The following PPL variants were observed in gnomAD, a reference collection of about 807,000 sequenced individuals.
PPL encodes 190 kDa paraneoplastic pemphigus antigen.
Under a neutral mutation model 194.4 loss-of-function variants are expected in PPL, and 198 were observed. That is an observed-to-expected ratio of 1.02 (90% CI 0.91 to 1.15). The LOEUF is 1.15. Ranked by LOEUF, PPL falls within the 50% of genes most tolerant of loss-of-function variation. The probability of loss-of-function intolerance (pLI) is 0.00; values close to 1 mark genes in which losing one functional copy is unlikely to be tolerated. For synonymous variants in PPL, 1,220 were observed against 972.4 expected, an observed-to-expected ratio of 1.25 and a Z score of -4.74; for missense variants, 2,885 against 2,294.8, an observed-to-expected ratio of 1.26 and a Z score of -5.25.
At chr16:4,888,039 C>T in intron 20 of PPL, 63 bp downstream of exon 20, 2 of 1,229,778 alleles carry the variant, frequency 1.6e-6, no homozygotes, top group Non-Finnish European at 2.4e-6. Context: ...ACCATGCTCC[C>T]TGGGGAGCAG....
chr16:4,922,243 T>C (rs946944728), intron 1 of PPL, among the ~76,000 whole-genome samples: 4 of 152,184 alleles, frequency 2.6e-5, no homozygotes, highest in Admixed American at 2.6e-4. Flanking sequence ...ACAGTATGCA[T>C]GCCACAGGGC....
chr16:4,903,043 T>C (rs994139543), intron 3 of PPL, among the ~76,000 whole-genome samples: 2 of 152,122 alleles, frequency 1.3e-5, no homozygotes, highest in Non-Finnish European at 2.9e-5. Flanking sequence ...GGGCCTACTA[T>C]GTGCCAGAAT....
At chr16:4,900,683 C>T (rs1315880914) in intron 6 of PPL, 147 bp downstream of exon 6, 6 of 1,085,370 alleles carry the variant, frequency 5.5e-6, no homozygotes, top group Non-Finnish European at 6.8e-6. Context: ...AGTGATCCTC[C>T]TGCCTCTGCC....
chr16:4,908,368 T>C (rs879515559), intron 2 of PPL, among the ~76,000 whole-genome samples: 8 of 152,094 alleles, frequency 5.3e-5, no homozygotes, highest in African/African-American at 1.7e-4. Flanking sequence ...AATTACCTAT[T>C]TTGAGTCAAT....
chr16:4,921,791 T>G (rs2089056217), intron 1 of PPL, among the ~76,000 whole-genome samples: 1 of 151,946 alleles, frequency 6.6e-6, no homozygotes, highest in Non-Finnish European at 1.5e-5. Context: ...AGGTGGCAAC[T>G]CGAGGCTGAG....
At chr16:4,933,625 T>C (rs2089253122) in intron 1 of PPL, among the ~76,000 whole-genome samples, 1 of 152,100 alleles carries the variant, frequency 6.6e-6, no homozygotes, top group South Asian at 2.1e-4. Context: ...GGTGGAGACC[T>C]CATCTGTCCG....
intron 18 of PPL, among the ~76,000 whole-genome samples, chr16:4,889,389 G>T (rs1208755632): frequency 2.0e-5 from 3 of 151,286 alleles, no homozygotes; most frequent in African/African-American, 7.3e-5. Flanking sequence ...CAAGTAGCTG[G>T]GACTACAGGC....
chr16:4,922,053 A>G (rs1053810152), intron 1 of PPL, among the ~76,000 whole-genome samples: 8 of 152,002 alleles, frequency 5.3e-5, no homozygotes, highest in Non-Finnish European at 1.0e-4. Flanking sequence ...TTCCTGCTTT[A>G]ATTTTGTGCG....
At chr16:4,920,161 G>A (rs895523215) in intron 1 of PPL, among the ~76,000 whole-genome samples, 1 of 151,792 alleles carries the variant, frequency 6.6e-6, no homozygotes, top group African/African-American at 2.4e-5. Context: ...GCACACACCT[G>A]TAGTCCCAGC....
chr16:4,897,290 G>T (rs929538616), intron 9 of PPL, among the ~76,000 whole-genome samples: 1 of 133,468 alleles, frequency 7.5e-6, no homozygotes, highest in Non-Finnish European at 1.5e-5. Flanking sequence ...AGCCGAGATG[G>T]CACGACTGCA....
chr16:4,935,287 G>T (rs1177119091), intron 1 of PPL, among the ~76,000 whole-genome samples: 2 of 152,178 alleles, frequency 1.3e-5, no homozygotes, highest in African/African-American at 2.4e-5. Context: ...TCAGGATGGA[G>T]AGCTGCACGA....
chr16:4,896,975 A>C (rs2088442585), intron 9 of PPL, among the ~76,000 whole-genome samples: 1 of 151,954 alleles, frequency 6.6e-6, no homozygotes, highest in South Asian at 2.1e-4. Context: ...AAAGTTTTGC[A>C]AGTAGATGGT....
In PPL at chr16:4,895,283, A is replaced by G; in HGVS notation, c.1220T>C (p.Leu407Pro). ...CACCTGCTCCCCCTCAAAGTCACAG[A>G]GTGCCTCCACGGGGATGGGCTTGAG... Reference protein sequence around the residue: ...TPLKPIPVEALCDFEGEQGLI... With the variant: ...TPLKPIPVEAPCDFEGEQGLI... Residue 407 changes from leucine to proline, a missense_variant, in exon 11 of 22, where the codon CTC becomes CCC. Physicochemically the swap from Leu to Pro is moderately conservative, Grantham distance 98. Transcript: ENST00000345988. 6.2e-7 allele frequency: 1 copy of G among 1,609,186 alleles called. No individual in the cohort carries two copies. Among genetic ancestry groups the G allele is most frequent in the African/African-American group, 1.3e-5 (1 of 74,874 alleles).
intron 1 of PPL, among the ~76,000 whole-genome samples, chr16:4,925,097 G>C (rs1442041788): frequency 2.0e-5 from 3 of 152,262 alleles, no homozygotes; most frequent in South Asian, 2.1e-4. Flanking sequence ...TGTGTATTGG[G>C]GTTGCATTGC....
intron 1 of PPL, among the ~76,000 whole-genome samples, chr16:4,933,414 G>A (rs537006956): frequency 1.3e-5 from 2 of 152,122 alleles, no homozygotes; most frequent in Non-Finnish European, 2.9e-5. Context: ...ATTCAGAAGC[G>A]CTGGGGCTCA....
chr16:4,887,150 C>A lies in PPL; in HGVS notation c.2592G>T (p.Leu864=). 1 of 1,613,640 alleles carries A rather than the reference C, an allele frequency of 6.2e-7. No homozygotes were observed. The highest frequency in any genetic ancestry group is 8.5e-7 in the Non-Finnish European group (1 of 1,179,562). ...GATCAGTTACCTGTCTGAGGAGATT[C>A]AGAGCAAACTCCAGATTCTGCAGCC... ...RQRLQNLEFA[L]NLLRQQPEVE... Residue 864 remains leucine (L), a synonymous_variant, in exon 21 of 22, where the codon CTG becomes CTT. Coordinates refer to ENST00000345988, the MANE Select transcript of PPL (RefSeq NM_002705.5).
chr16:4,884,000 G>C lies in PPL; in HGVS notation c.4655C>G (p.Ser1552Cys). Reference sequence around the variant, plus strand: ...AAAGTCTAGTTCCTTGGATGACTTGGAGTTATGGAATTCCAGCTCCGAAAG... The same window carrying C: ...AAAGTCTAGTTCCTTGGATGACTTGCAGTTATGGAATTCCAGCTCCGAAAG... The part of the protein sequence containing the change: ...ARLSELEFHN[S>C]KSSKELDFLR... Residue 1552 changes from serine (S) to cysteine (C), a missense_variant, in exon 22 of 22, where the codon TCC (serine) becomes TGC (cysteine). By Grantham distance (112) the Ser-to-Cys change is moderately radical. Coordinates refer to ENST00000345988, the MANE Select transcript of PPL (RefSeq NM_002705.5). This position sits in a 1 kb window ranked among gnomAD's most constrained non-coding sequence, Gnocchi z 4.8. 1 of 1,614,002 alleles carries C rather than the reference G, an allele frequency of 6.2e-7. No individual in the cohort carries two copies.
rs760189060 is a variant in PPL at position 4,883,810 on chromosome 16, C to T, written c.4845G>A (p.Leu1615=). The T allele has an allele frequency of 5.6e-6, 9 of 1,614,006 alleles. No individual in the cohort carries two copies. Among genetic ancestry groups the T allele is most frequent in the South Asian group, 3.3e-5 (3 of 91,088 alleles). The change falls in exon 22 of 22, where the codon CTG becomes CTA. Residue 1615 remains leucine, a synonymous_variant. Transcript: ENST00000345988. The surrounding 1 kb of genome is among the most constrained non-coding windows in gnomAD (Gnocchi z 4.8). ...TCTTGAGGTCATCCAGTTCCCTCTC[C>T]AGGGACCACAGTCTGGAGTCATGGT... The part of the protein sequence containing the change: ...GTNHDSRLWS[L]ERELDDLKRL...
Position 4,895,445 on chromosome 16 carries a change from C to A in PPL, c.1096-38G>T, listed in dbSNP as rs1395017136. ...GGGTCAGGGGCCCAGGTGAGACCAA[C>A]AGCCTTCCCCCTGGTGGGAGGACGC... On this transcript the variant is annotated intron_variant, in intron 10 of 21. Coordinates refer to ENST00000345988, the MANE Select transcript of PPL (RefSeq NM_002705.5). The A allele has an allele frequency of 2.5e-6, 4 of 1,608,056 alleles. No homozygotes were observed. The South Asian group carries it at 4.4e-5, about 18-fold the overall frequency.
Sources: allele counts gnomAD v4.1 joint callset (sites outside exome capture counted in the v4.1 genomes callset), GRCh38; gene constraint gnomAD v4.1.1; non-coding constraint Gnocchi (gnomAD v3.1); transcripts MANE v1.5; gene names NCBI Gene and HGNC (gene_info 2026-07-23, HGNC 2026-07-21).